The following SOAT1 variants were observed in gnomAD, a reference collection of about 807,000 sequenced individuals.
The protein encoded by SOAT1 is sterol O-acyltransferase 1, also known as acyl-coenzyme A:cholesterol acyltransferase 1.
A neutral mutation model predicts 69.5 loss-of-function variants in SOAT1; 55 were observed. That is an observed-to-expected ratio of 0.79 (90% CI 0.64 to 0.99). The LOEUF (loss-of-function observed/expected upper bound fraction) is 0.99, where lower values mean the gene tolerates loss of function less well. Among genes scored for constraint, SOAT1 ranks in the 50% least tolerant of loss-of-function variants. SOAT1 has a pLI of 0.00. For missense variants in SOAT1, 580 were observed against 669.3 expected (o/e 0.87, Z 1.47); for synonymous variants, 231 against 224.7 (o/e 1.03, Z -0.25).
intron 2 of SOAT1, among the ~76,000 whole-genome samples, chr1:179,303,199 T>C (rs773751027): frequency 8.5e-5 from 13 of 152,228 alleles, no homozygotes; most frequent in Non-Finnish European, 1.8e-4. Flanking sequence ...TTAACTACTT[T>C]CATAATAGAT....
At chr1:179,315,750 G>A (rs1406985441) in intron 2 of SOAT1, among the ~76,000 whole-genome samples, 2 of 152,100 alleles carry the variant, frequency 1.3e-5, no homozygotes, top group African/African-American at 2.4e-5. Flanking sequence ...GATGGCTGTC[G>A]TGTTATTTAT....
At chr1:179,295,837 C>G (rs371428185) in intron 1 of SOAT1, among the ~76,000 whole-genome samples, 1 of 123,724 alleles carries the variant, frequency 8.1e-6, no homozygotes, top group Non-Finnish European at 1.6e-5. Flanking sequence ...TGGAGTTTGG[C>G]GCTTGTTGCC....
At chr1:179,327,343 A>G (rs926398695) in intron 3 of SOAT1, among the ~76,000 whole-genome samples, 1 of 152,148 alleles carries the variant, frequency 6.6e-6, no homozygotes, top group Admixed American at 6.5e-5. Context: ...CCCAGTCGTC[A>G]CTTCATCTTT....
intron 3 of SOAT1, among the ~76,000 whole-genome samples, chr1:179,333,398 A>AG (rs1226615303): frequency 2.8e-3 from 1 of 356 alleles, no homozygotes; most frequent in African/African-American, 3.2e-3. Flanking sequence ...TTCCTCTTCT[A>AG]AAAAAAAAAA....
chr1:179,329,965 C>G (rs568092256), intron 3 of SOAT1, among the ~76,000 whole-genome samples: 1 of 152,200 alleles, frequency 6.6e-6, no homozygotes, highest in South Asian at 2.1e-4. Flanking sequence ...CCTTAAGGAC[C>G]CTGGTTTGGT....
intron 2 of SOAT1, among the ~76,000 whole-genome samples, chr1:179,314,531 G>A (rs1052543071): frequency 1.6e-4 from 25 of 152,102 alleles, no homozygotes; most frequent in Admixed American, 7.2e-4. Flanking sequence ...TAATAGTATG[G>A]TACAACAATG....
At chr1:179,310,458 G>C (rs1036113910) in intron 2 of SOAT1, among the ~76,000 whole-genome samples, 1 of 152,148 alleles carries the variant, frequency 6.6e-6, no homozygotes, top group East Asian at 1.9e-4. Context: ...TTCTGGCTCA[G>C]ATTCCATTTT....
intron 7 of SOAT1, among the ~76,000 whole-genome samples, chr1:179,341,651 C>T (rs1230797949): frequency 6.6e-6 from 1 of 151,932 alleles, no homozygotes; most frequent in Middle Eastern, 3.2e-3. Flanking sequence ...TCTTCTGCCT[C>T]AGCCTCCCAA....
At chr1:179,330,923 A>G (rs1021777038) in intron 3 of SOAT1, among the ~76,000 whole-genome samples, 3 of 152,212 alleles carry the variant, frequency 2.0e-5, no homozygotes, top group Admixed American at 1.3e-4. Context: ...ACCTAGGTGC[A>G]AAGAGAGACT....
intron 2 of SOAT1, among the ~76,000 whole-genome samples, chr1:179,309,888 G>A (rs977135554): frequency 6.6e-6 from 1 of 151,282 alleles, no homozygotes; most frequent in Non-Finnish European, 1.5e-5. Context: ...GTTTGTTTTT[G>A]TTTTTATTTT....
At chr1:179,342,780 T>C in intron 8 of SOAT1, 82 bp from the exon 9 acceptor site, 1 of 952,108 alleles carries the variant, frequency 1.1e-6, no homozygotes, top group Non-Finnish European at 1.7e-6. Context: ...TTCCCTGTTC[T>C]GTGCTTCCTT....
chr1:179,300,460 A>G (rs562688825), intron 1 of SOAT1, among the ~76,000 whole-genome samples: 3 of 152,280 alleles, frequency 2.0e-5, no homozygotes, highest in South Asian at 2.1e-4. Flanking sequence ...AGATCTTATG[A>G]TATCATAACA....
Position 179,354,194 on chromosome 1 carries a change from A to AT in SOAT1, c.*560dup, listed in dbSNP as rs1666838117. ...ATAATGTTATACATCCTATTTTGTA[A>AT]TTTTTTTGAAAAAAGTTCAATGTTC... On this transcript the variant is annotated 3_prime_UTR_variant, in exon 16 of 16. Coordinates refer to ENST00000367619, the MANE Select transcript of SOAT1 (RefSeq NM_003101.6). 6.6e-6 allele frequency: 1 copy of AT among 152,538 alleles called. No homozygotes were observed. The highest frequency in any genetic ancestry group is 6.6e-5 in the Admixed American group (1 of 15,260). The allele number at this position is 152,538 out of a possible 1,614,324, so 9.4% of individuals were successfully genotyped here. A position where few individuals can be genotyped will look rare whatever the true frequency, so the allele number is the denominator to read the frequency against.
In SOAT1 at chr1:179,351,021, C is replaced by CTTTTTTTT. The variant is rs201449849; in HGVS notation, c.1451-264_1451-257dup. ...TGTTTTGATACCTGTATATTTCTTT[C>CTTTTTTTT]TTTTTTTTTTTTTTTTTTTTTTTTT... On this transcript the variant is annotated intron_variant, in intron 14 of 15. Coordinates refer to ENST00000367619, the MANE Select transcript of SOAT1 (RefSeq NM_003101.6). Among the ~76,000 whole-genome samples the CTTTTTTTT allele has an allele frequency of 2.5e-4, 32 of 127,578 alleles. 1 individual carries two copies. Among genetic ancestry groups the CTTTTTTTT allele is most frequent in the African/African-American group, 6.3e-4 (22 of 34,702 alleles). 83.7% of individuals were successfully genotyped at this position (127,578 alleles called of 152,430 possible).
At chr1:179,336,432 C>A (rs1666156312) in intron 4 of SOAT1, among the ~76,000 whole-genome samples, 1 of 144,738 alleles carries the variant, frequency 6.9e-6, no homozygotes, top group Non-Finnish European at 1.5e-5. Flanking sequence ...CAAGATCATG[C>A]CACTGCACTC....
rs1356463204 is a variant in SOAT1, at chr1:179,348,219, A to AGG, written c.1215+522_1215+523insGG. On this transcript the variant is annotated intron_variant, in intron 12 of 15. Coordinates refer to ENST00000367619, the MANE Select transcript of SOAT1 (RefSeq NM_003101.6). ...TCAGAATGGCTCATAGCATTCTTTA[A>AGG]CCCTACCTAAAGCTCTCTTTGAGTT... Among the ~76,000 whole-genome samples, 18 of 152,276 alleles carry AGG rather than the reference A, an allele frequency of 1.2e-4. No homozygotes were observed. The East Asian group carries it at 3.3e-3, about 28-fold the overall frequency.
chr1:179,350,511 T>G, intron 14 of SOAT1, 80 bp downstream of exon 14: 1 of 1,358,192 alleles, frequency 7.4e-7, no homozygotes, highest in East Asian at 2.3e-5. Flanking sequence ...ATAAAATCAA[T>G]GTAGGAGAAC....
chr1:179,311,325 C>T (rs368966825), intron 2 of SOAT1, among the ~76,000 whole-genome samples: 1 of 152,096 alleles, frequency 6.6e-6, no homozygotes, highest in East Asian at 1.9e-4. Flanking sequence ...AGGATTGCAC[C>T]ACTGCACTCC....
intron 6 of SOAT1, 91 bp downstream of exon 6, chr1:179,339,636 G>T (rs1001690126): frequency 9.9e-6 from 7 of 704,856 alleles, no homozygotes; most frequent in Non-Finnish European, 1.6e-5. Flanking sequence ...TGATTAAATT[G>T]CTTCAGGAAA....
Sources: allele counts gnomAD v4.1 joint callset (sites outside exome capture counted in the v4.1 genomes callset), GRCh38; gene constraint gnomAD v4.1.1; transcripts MANE v1.5; gene names NCBI Gene and HGNC (gene_info 2026-07-23, HGNC 2026-07-21).